The following MCOLN1 variants were observed in gnomAD, a reference collection of about 807,000 sequenced individuals.
MCOLN1 encodes the protein mucolipin TRP cation channel 1.
Under a neutral mutation model 70.3 loss-of-function variants are expected in MCOLN1, and 50 were observed. That is an observed-to-expected ratio of 0.71 (90% CI 0.57 to 0.90). The LOEUF (loss-of-function observed/expected upper bound fraction) is 0.90, where lower values mean the gene tolerates loss of function less well. MCOLN1 is among the 40% of genes least tolerant of loss of function. The probability of loss-of-function intolerance (pLI) is 0.00; values close to 1 mark genes in which losing one functional copy is unlikely to be tolerated. For synonymous variants in MCOLN1, 366 were observed against 341.0 expected, an observed-to-expected ratio of 1.07 and a Z score of -0.81; for missense variants, 598 against 803.5, an observed-to-expected ratio of 0.74 and a Z score of 3.09.
At position 7,522,718 on chromosome 19, in the gene MCOLN1, G is replaced by A. The variant is rs370056836; in HGVS notation, c.-33G>A. On this transcript the variant is annotated 5_prime_UTR_variant, in exon 1 of 14. Coordinates refer to ENST00000264079, the MANE Select transcript of MCOLN1 (RefSeq NM_020533.3). ...GCGATCGGACCCAGGCTGCCCCGCC[G>A]TACCCGCCTGCGTCCCGCGCTCCCG... 5 of 1,451,422 alleles carry A rather than the reference G, an allele frequency of 3.4e-6. No homozygotes were observed. Among genetic ancestry groups the A allele is most frequent in the Admixed American group, 2.4e-5 (1 of 40,876 alleles). 89.9% of individuals were successfully genotyped at this position (1,451,422 alleles called of 1,614,324 possible). A position where few individuals can be genotyped will look rare whatever the true frequency, so the allele number is the denominator to read the frequency against.
chr19:7,532,912 G>A (rs1327683963), intron 12 of MCOLN1, among the ~76,000 whole-genome samples: 1 of 152,192 alleles, frequency 6.6e-6, no homozygotes, highest in Non-Finnish European at 1.5e-5. Context: ...AGTGCACCGA[G>A]GGGAAGGAAT....
Position 7,528,255 on chromosome 19 carries a change from A to G in MCOLN1, c.875A>G (p.His292Arg). Residue 292 changes from histidine (H) to arginine (R), a missense_variant and splice_region_variant, in exon 7 of 14, where the codon CAC becomes CGC. His to Arg is a conservative substitution (Grantham distance 29, BLOSUM62 0). Transcript: ENST00000264079. The surrounding 1 kb of genome is among the most constrained non-coding windows in gnomAD (Gnocchi z 4.2). ...QECKHPSVFQHGDNSFRLLFD... is the reference protein window; with the variant it reads ...QECKHPSVFQRGDNSFRLLFD... ...TGTAAGCACCCCAGTGTCTTCCAGC[A>G]CGGTGAGCCCCTGAGCCCCAGACCA... 2 of 1,613,914 alleles carry G rather than the reference A, an allele frequency of 1.2e-6. No homozygotes were observed. The highest frequency in any genetic ancestry group is 1.7e-6 in the Non-Finnish European group (2 of 1,179,808).
Position 7,528,281 on chromosome 19 carries a change from G to A in MCOLN1, c.877+24G>A. 6.2e-7 allele frequency: 1 copy of A among 1,605,050 alleles called. No homozygotes were observed. Among genetic ancestry groups the A allele is most frequent in the Non-Finnish European group, 8.5e-7 (1 of 1,171,942 alleles). On this transcript the variant is annotated intron_variant, in intron 7 of 13. Transcript: ENST00000264079. The surrounding 1 kb of genome is among the most constrained non-coding windows in gnomAD (Gnocchi z 4.2). ...CGGTGAGCCCCTGAGCCCCAGACCA[G>A]CACTGACCAGGGGCCCTGGCCTGTC...
chr19:7,529,523 C>CAG, intron 10 of MCOLN1, 67 bp from the exon 11 acceptor site: 6 of 1,156,284 alleles, frequency 5.2e-6, no homozygotes, highest in Non-Finnish European at 7.4e-6. Flanking sequence ...CCACCCCCAT[C>CAG]TGGGTGCCCA....
chr19:7,530,643 G>A, intron 12 of MCOLN1, 142 bp downstream of exon 12: 1 of 877,722 alleles, frequency 1.1e-6, no homozygotes, highest in Non-Finnish European at 1.8e-6. Flanking sequence ...AAAGAGGGTG[G>A]TTCAGAACTG....
At position 7,525,263 on chromosome 19, in the gene MCOLN1, C is replaced by T. The variant is rs757082462; in HGVS notation, c.237+97C>T. Reference sequence around the variant, plus strand: ...AAGCAGCACTTTGGAAGGCCGAGGCCGGTGGATCGCTTGAGGCTGGGAGTT... The same window carrying T: ...AAGCAGCACTTTGGAAGGCCGAGGCTGGTGGATCGCTTGAGGCTGGGAGTT... On this transcript the variant is annotated intron_variant, in intron 2 of 13. Coordinates refer to ENST00000264079, the MANE Select transcript of MCOLN1 (RefSeq NM_020533.3). This position sits in a 1 kb window ranked among gnomAD's most constrained non-coding sequence, Gnocchi z 4.2. The T allele has an allele frequency of 4.5e-6, 5 of 1,117,610 alleles. No homozygotes were observed. Among genetic ancestry groups the T allele is most frequent in the Non-Finnish European group, 6.6e-6 (5 of 752,024 alleles). 69.2% of individuals were successfully genotyped at this position (1,117,610 alleles called of 1,614,324 possible). A position where few individuals can be genotyped will look rare whatever the true frequency, so the allele number is the denominator to read the frequency against.
chr19:7,530,363 C>T lies in MCOLN1; in HGVS notation c.1437C>T (p.Ala479=). The T allele has an allele frequency of 6.2e-7, 1 of 1,613,916 alleles. No individual in the cohort carries two copies. The highest frequency in any genetic ancestry group is 8.5e-7 in the Non-Finnish European group (1 of 1,179,998). ...NGDDMFVTFA[A]MQAQQGRSSL... is the part of the protein sequence containing the mutation. ...ACGACATGTTTGTGACGTTCGCCGCCATGCAGGCGCAGCAGGGCCGCAGCA... is the reference window on the plus strand; with the variant it reads ...ACGACATGTTTGTGACGTTCGCCGCTATGCAGGCGCAGCAGGGCCGCAGCA... Residue 479 remains alanine, a synonymous_variant, in exon 12 of 14, where the codon GCC becomes GCT. Coordinates refer to ENST00000264079, the MANE Select transcript of MCOLN1 (RefSeq NM_020533.3).
At position 7,526,644 on chromosome 19, in the gene MCOLN1, T is replaced by C. The variant is rs1404307949; in HGVS notation, c.405+38T>C. 6.3e-7 allele frequency: 1 copy of C among 1,586,048 alleles called. No individual in the cohort carries two copies. The highest frequency in any genetic ancestry group is 8.5e-7 in the Non-Finnish European group (1 of 1,173,162). ...GGGCAGGTGCTGGTGGGCAGGCAGGTGCAGGTGGGCGGGCAGGTGCAGTTG... is the reference window on the plus strand; with the variant it reads ...GGGCAGGTGCTGGTGGGCAGGCAGGCGCAGGTGGGCGGGCAGGTGCAGTTG... On this transcript the variant is annotated intron_variant, in intron 3 of 13. Coordinates refer to ENST00000264079, the MANE Select transcript of MCOLN1 (RefSeq NM_020533.3). The surrounding 1 kb of genome is among the most constrained non-coding windows in gnomAD (Gnocchi z 4.6).
intron 12 of MCOLN1, among the ~76,000 whole-genome samples, chr19:7,532,637 C>G (rs2022673005): frequency 6.6e-6 from 1 of 152,134 alleles, no homozygotes; most frequent in Non-Finnish European, 1.5e-5. Context: ...ATTGCTTGAA[C>G]CTGGGACGTA....
In MCOLN1 at chr19:7,533,649, G is replaced by A. The variant is rs1284477464; in HGVS notation, c.1702G>A (p.Gly568Arg). ...GSACSLLCCC[G>R]RDPSEEHSLL... ...GGCCTGCAGCCTTCTCTGCTGCTGC[G>A]GAAGGTTCGAGTCCCGGGTCTGGCA... is the stretch of plus-strand genomic sequence containing the variant. Residue 568 changes from glycine to arginine, a missense_variant, in exon 13 of 14, where the codon GGA becomes AGA. Physicochemically the swap from Gly to Arg is moderately radical, Grantham distance 125. Coordinates refer to ENST00000264079, the MANE Select transcript of MCOLN1 (RefSeq NM_020533.3). 5 of 1,613,508 alleles carry A rather than the reference G, an allele frequency of 3.1e-6. No homozygotes were observed. The highest frequency in any genetic ancestry group is 3.3e-5 in the Admixed American group (2 of 59,974).
At chr19:7,531,721 G>T (rs965988706) in intron 12 of MCOLN1, among the ~76,000 whole-genome samples, 1 of 151,996 alleles carries the variant, frequency 6.6e-6, no homozygotes, top group African/African-American at 2.4e-5. Context: ...AGGCTGGAGT[G>T]CAGTGGTGCA....
intron 12 of MCOLN1, 129 bp downstream of exon 12, chr19:7,530,630 CAA>C: frequency 1.0e-6 from 1 of 954,672 alleles, no homozygotes; most frequent in Non-Finnish European, 1.7e-6. Flanking sequence ...TCTATGAAAC[CAA>C]AAAGAGGGTG....
chr19:7,525,723 G>C lies in MCOLN1; in HGVS notation c.237+557G>C, dbSNP rs565671342. The C allele has an allele frequency of 5.8e-6, 1 of 172,446 alleles. No individual in the cohort carries two copies. Among genetic ancestry groups the C allele is most frequent in the African/African-American group, 2.4e-5 (1 of 41,502 alleles). 10.7% of individuals were successfully genotyped at this position (172,446 alleles called of 1,614,324 possible). A position where few individuals can be genotyped will look rare whatever the true frequency, so the allele number is the denominator to read the frequency against. On this transcript the variant is annotated intron_variant, in intron 2 of 13. Transcript: ENST00000264079. The surrounding 1 kb of genome is among the most constrained non-coding windows in gnomAD (Gnocchi z 4.2). ...GCCCTAAGTGCTTACTTCATGTTTT[G>C]GGCTGACTTTAGCATGTCACCATGC...
chr19:7,529,715 A>G lies in MCOLN1; in HGVS notation c.1359+3A>G. 1 of 1,613,934 alleles carries G rather than the reference A, an allele frequency of 6.2e-7. No individual in the cohort carries two copies. The highest frequency in any genetic ancestry group is 8.5e-7 in the Non-Finnish European group (1 of 1,179,870). ...TGCTGGGGCCCTATCATGTGAAGGTACATCTAACCCCTGATGTCCCTGACA... is the reference window on the plus strand; with the variant it reads ...TGCTGGGGCCCTATCATGTGAAGGTGCATCTAACCCCTGATGTCCCTGACA... On this transcript the variant is annotated splice_donor_region_variant and intron_variant, in intron 11 of 13. Transcript: ENST00000264079.
At chr19:7,529,501 G>GGGCCCCC in intron 10 of MCOLN1, 89 bp from the exon 11 acceptor site, 25 of 747,210 alleles carry the variant, frequency 3.3e-5, no homozygotes, top group East Asian at 1.2e-4. Flanking sequence ...CCTCGGCAAG[G>GGGCCCCC]CCCCGCCCCT....
Position 7,529,092 on chromosome 19 carries a change from C to T in MCOLN1, c.1135-9C>T. 1 of 1,613,884 alleles carries T rather than the reference C, an allele frequency of 6.2e-7. No homozygotes were observed. Among genetic ancestry groups the T allele is most frequent in the Non-Finnish European group, 8.5e-7 (1 of 1,179,950 alleles). On this transcript the variant is annotated splice_polypyrimidine_tract_variant and intron_variant, in intron 9 of 13. Coordinates refer to ENST00000264079, the MANE Select transcript of MCOLN1 (RefSeq NM_020533.3). ...GGGCCAGATAGGTTGACGCAGCTCC[C>T]ACCCGCAGAACTTGGCGAGCTACGA...
chr19:7,529,310 G>A, intron 10 of MCOLN1, 108 bp downstream of exon 10: 2 of 1,073,180 alleles, frequency 1.9e-6, no homozygotes, highest in Admixed American at 1.9e-5. Context: ...CCCCTTGCAA[G>A]CCTCCTCCTC....
chr19:7,533,679 C>T, intron 13 of MCOLN1, 26 bp downstream of exon 13: 2 of 1,614,092 alleles, frequency 1.2e-6, no homozygotes, highest in Non-Finnish European at 1.7e-6. Flanking sequence ...CTGGCACATT[C>T]AGATTGGAGG....
chr19:7,529,101 A>T lies in MCOLN1; in HGVS notation c.1135A>T (p.Asn379Tyr). The change falls in exon 10 of 14, where the codon AAC (asparagine) becomes TAC (tyrosine). Residue 379 changes from asparagine to tyrosine, a missense_variant and splice_region_variant. Transcript: ENST00000264079. ...TIMKIGIEAK[N>Y]LASYDVCSIL... Reference sequence around the variant, plus strand: ...AGGTTGACGCAGCTCCCACCCGCAGAACTTGGCGAGCTACGACGTCTGCAG... The same window carrying T: ...AGGTTGACGCAGCTCCCACCCGCAGTACTTGGCGAGCTACGACGTCTGCAG... 6.2e-7 allele frequency: 1 copy of T among 1,613,898 alleles called. No homozygotes were observed. The highest frequency in any genetic ancestry group is 8.5e-7 in the Non-Finnish European group (1 of 1,180,004).
Sources: gnomAD v4.1 joint callset for allele counts (sites outside exome capture counted in the v4.1 genomes callset) on GRCh38, gnomAD v4.1.1 for gene constraint, Gnocchi (gnomAD v3.1) non-coding constraint, MANE v1.5 for transcripts, NCBI Gene and HGNC (gene_info 2026-07-23, HGNC 2026-07-21) for gene names.